The following PTPRD variants were observed in gnomAD, a reference collection of about 807,000 sequenced individuals.
The protein encoded by PTPRD is receptor-type tyrosine-protein phosphatase delta.
In PTPRD, 34 loss-of-function variants were observed where a neutral mutation model predicts 214.5. The ratio of observed to expected loss-of-function variants is 0.16; its 90% CI spans 0.12 to 0.21. PTPRD has a LOEUF of 0.21. Among genes scored for constraint, PTPRD ranks in the 10% least tolerant of loss-of-function variants. The pLI is 1.00. For synonymous variants in PTPRD, 1,128 were observed against 845.7 expected, an observed-to-expected ratio of 1.33 and a Z score of -5.79; for missense variants, 2,545 against 2,398.7, an observed-to-expected ratio of 1.06 and a Z score of -1.27.
intron 11 of PTPRD, among the ~76,000 whole-genome samples, chr9:8,916,816 T>C (rs1417235791): frequency 6.6e-6 from 1 of 152,184 alleles, no homozygotes; most frequent in Admixed American, 6.5e-5. Flanking sequence ...AGCTATAAAA[T>C]GAATTCTATT....
chr9:9,901,312 T>C (rs1257548771), intron 5 of PTPRD, among the ~76,000 whole-genome samples: 1 of 152,204 alleles, frequency 6.6e-6, no homozygotes, highest in Non-Finnish European at 1.5e-5. Context: ...TCTTTAAAAC[T>C]ATTAGACCTT....
At chr9:8,942,802 C>G (rs997801421) in intron 11 of PTPRD, among the ~76,000 whole-genome samples, 7 of 151,930 alleles carry the variant, frequency 4.6e-5, no homozygotes, top group African/African-American at 1.7e-4. Context: ...TCCTCAGTCA[C>G]AATTTTTTAA....
At chr9:9,968,748 C>T (rs565553618) in intron 4 of PTPRD, among the ~76,000 whole-genome samples, 4 of 152,144 alleles carry the variant, frequency 2.6e-5, no homozygotes, top group South Asian at 4.2e-4. Context: ...ACAACAAAAA[C>T]CAAACAAACA....
chr9:10,006,699 G>A (rs1338868218), intron 4 of PTPRD, among the ~76,000 whole-genome samples: 6 of 151,820 alleles, frequency 4.0e-5, no homozygotes, highest in Non-Finnish European at 8.8e-5. Context: ...ACTTGATTAG[G>A]TAGGATTTCT....
intron 8 of PTPRD, among the ~76,000 whole-genome samples, chr9:9,475,569 C>CT (rs746831857): frequency 1.2e-4 from 18 of 152,288 alleles, no homozygotes; most frequent in East Asian, 9.7e-4. Flanking sequence ...TCAAAACTCT[C>CT]TTTTTTCTGT....
intron 10 of PTPRD, among the ~76,000 whole-genome samples, chr9:9,084,279 A>G (rs1260056276): frequency 1.3e-5 from 2 of 152,174 alleles, no homozygotes; most frequent in Non-Finnish European, 2.9e-5. Context: ...AGAAACCATC[A>G]TTCTCAGCAA....
intron 7 of PTPRD, among the ~76,000 whole-genome samples, chr9:9,677,204 A>T (rs1307265874): frequency 6.6e-6 from 1 of 152,116 alleles, no homozygotes; most frequent in Non-Finnish European, 1.5e-5. Flanking sequence ...GTCCTTGCCC[A>T]TGCCTATGTC....
chr9:9,014,763 G>A (rs1324624190), intron 11 of PTPRD, among the ~76,000 whole-genome samples: 1 of 152,078 alleles, frequency 6.6e-6, no homozygotes, highest in Non-Finnish European at 1.5e-5. Context: ...GAAGTAAGAT[G>A]ACTACTTAAA....
At chr9:8,586,559 C>A (rs2154259308) in intron 14 of PTPRD, among the ~76,000 whole-genome samples, 1 of 152,182 alleles carries the variant, frequency 6.6e-6, no homozygotes, top group East Asian at 1.9e-4. Flanking sequence ...TAAATCATTC[C>A]ATTTTAAATA....
Position 8,316,455 on chromosome 9 carries a change from C to A in PTPRD, c.*1419G>T, listed in dbSNP as rs1450675877. The stretch of plus-strand genomic sequence containing the variant: ...ACAGAGTAACATGAATTTGGCTTTG[C>A]CCCTGTTACATATCATAAATGCAAA... On this transcript the variant is annotated 3_prime_UTR_variant, in exon 46 of 46. Coordinates refer to ENST00000381196, the MANE Select transcript of PTPRD (RefSeq NM_002839.4). 2 of 230,452 alleles carry A rather than the reference C, an allele frequency of 8.7e-6. No homozygotes were observed. Among genetic ancestry groups the A allele is most frequent in the Non-Finnish European group, 1.7e-5 (2 of 116,194 alleles). 14.3% of individuals were successfully genotyped at this position (230,452 alleles called of 1,614,324 possible).
chr9:9,067,750 T>C (rs1257636173), intron 10 of PTPRD, among the ~76,000 whole-genome samples: 1 of 152,234 alleles, frequency 6.6e-6, no homozygotes, highest in Non-Finnish European at 1.5e-5. Context: ...TACAAACCTG[T>C]AACACAATCT....
rs1377860022 is a variant in PTPRD at position 9,053,994 on chromosome 9, AG to A, written c.-142-35260del. Among the ~76,000 whole-genome samples, 9 of 152,192 alleles carry A rather than the reference AG, an allele frequency of 5.9e-5. 1 individual carries two copies. On this transcript the variant is annotated intron_variant, in intron 10 of 45. Transcript: ENST00000381196. ...AAGGACCAATTTGGTAATATGAGTGAGAAAGGAGACAATTTTTTCCCTTTAA... is the reference window on the plus strand; with the variant it reads ...AAGGACCAATTTGGTAATATGAGTGAAAAGGAGACAATTTTTTCCCTTTAA...
At chr9:9,663,505 G>C (rs1380193403) in intron 7 of PTPRD, among the ~76,000 whole-genome samples, 1 of 151,356 alleles carries the variant, frequency 6.6e-6, no homozygotes, top group African/African-American at 2.4e-5. Flanking sequence ...CTTCTCATTG[G>C]TAGCTCAATC....
chr9:9,508,254 A>G (rs1218336149), intron 8 of PTPRD, among the ~76,000 whole-genome samples: 1 of 151,508 alleles, frequency 6.6e-6, no homozygotes, highest in Non-Finnish European at 1.5e-5. Context: ...TTTTCCTTAT[A>G]CAAGAAGCGC....
chr9:9,787,772 T>TTTA (rs373362978), intron 5 of PTPRD, among the ~76,000 whole-genome samples: 6,213 of 149,110 alleles, frequency 0.042, 253 homozygotes, highest in African/African-American at 0.1. Flanking sequence ...CAATTTTTTA[T>TTTA]TTATTATTAT....
chr9:8,939,428 G>C (rs964511126), intron 11 of PTPRD, among the ~76,000 whole-genome samples: 11 of 152,068 alleles, frequency 7.2e-5, no homozygotes, highest in Admixed American at 6.5e-4. Context: ...AAGATACAAA[G>C]TTCTGTAACA....
rs34355367 is a variant in PTPRD at position 10,089,206 on chromosome 9, AAAAT to A, written c.-544-55420_-544-55417del. ...GGGTGACAGAATGAGAATCAGTCTC[AAAAT>A]AAATAAATAAATAAATAAATAAATA... On this transcript the variant is annotated intron_variant, in intron 3 of 45. Transcript: ENST00000381196. 7.7e-3 allele frequency among the ~76,000 whole-genome samples: 1,101 copies of A among 142,634 alleles called. 11 individuals are homozygous for A. Among genetic ancestry groups the A allele is most frequent in the African/African-American group, 0.026 (1,009 of 38,694 alleles). The allele number at this position is 142,634 out of a possible 152,430, so 93.6% of individuals were successfully genotyped here.
chr9:9,370,913 T>C (rs898823923), intron 9 of PTPRD, among the ~76,000 whole-genome samples: 3 of 152,110 alleles, frequency 2.0e-5, no homozygotes, highest in African/African-American at 4.8e-5. Flanking sequence ...CTGGATTACA[T>C]TTATTGATTT....
intron 7 of PTPRD, among the ~76,000 whole-genome samples, chr9:9,663,791 T>C (rs1443323767): frequency 1.3e-5 from 2 of 151,600 alleles, no homozygotes; most frequent in Admixed American, 6.6e-5. Flanking sequence ...ATATGGCATG[T>C]TATTCTGATA....
Sources: allele counts gnomAD v4.1 joint callset (sites outside exome capture counted in the v4.1 genomes callset), GRCh38; gene constraint gnomAD v4.1.1; transcripts MANE v1.5; gene names NCBI Gene and HGNC (gene_info 2026-07-23, HGNC 2026-07-21).